The following AGL variants were observed in gnomAD, a reference collection of about 807,000 sequenced individuals.
AGL encodes amylo-alpha-1,6-glucosidase and 4-alpha-glucanotransferase.
A neutral mutation model predicts 199.3 loss-of-function variants in AGL; 128 were observed. That is an observed-to-expected ratio of 0.64 (90% confidence interval 0.56 to 0.74). The LOEUF (loss-of-function observed/expected upper bound fraction) is 0.74, where lower values mean the gene tolerates loss of function less well. AGL is among the 30% of genes least tolerant of loss of function. The pLI, the probability that AGL is intolerant of heterozygous loss-of-function variation, is 0.00. For missense variants in AGL, 1,809 were observed against 1,820.8 expected (o/e 0.99, Z 0.12); for synonymous variants, 584 against 594.7 (o/e 0.98, Z 0.26).
At chr1:99,867,059 TC>T (rs1398259344) in intron 5 of AGL, among the ~76,000 whole-genome samples, 1 of 152,316 alleles carries the variant, frequency 6.6e-6, no homozygotes, top group East Asian at 1.9e-4. Context: ...CCTCAAGTGA[TC>T]CGCCCACCTT....
At chr1:99,857,436 G>A (rs1039930670) in intron 2 of AGL, among the ~76,000 whole-genome samples, 75 of 152,184 alleles carry the variant, frequency 4.9e-4, no homozygotes, top group Admixed American at 2.7e-3. Flanking sequence ...CTGCAGTCTC[G>A]GCACTTTGGG....
At chr1:99,891,471 A>G (rs1652896261) in intron 22 of AGL, 115 bp downstream of exon 22, 7 of 1,508,032 alleles carry the variant, frequency 4.6e-6, no homozygotes, top group Non-Finnish European at 3.7e-6. Flanking sequence ...TCCTTCCTTC[A>G]TCATCTTTCA....
intron 2 of AGL, chr1:99,852,572 C>CACTATGTTGCCCA: frequency 1.6e-6 from 1 of 607,156 alleles, no homozygotes; most frequent in Non-Finnish European, 3.0e-6. Flanking sequence ...AACTGGGTCT[C>CACTATGTTGCCCA]ACTATGTTGC....
chr1:99,883,997 T>TA, intron 17 of AGL, 123 bp from the exon 18 acceptor site: 32 of 816,746 alleles, frequency 3.9e-5, no homozygotes, highest in South Asian at 8.7e-5. Context: ...TTCAGACTTC[T>TA]AAAAAAAAGT....
rs1328445506 is a variant in AGL at position 99,902,724 on chromosome 1, A to AG, written c.3630_3631insG (p.His1211AlafsTer26). 1 of 1,613,536 alleles carries AG rather than the reference A, an allele frequency of 6.2e-7. No homozygotes were observed. The highest frequency in any genetic ancestry group is 8.5e-7 in the Non-Finnish European group (1 of 1,179,646). ...AAGTCATACAGGAAGCAATGCAAAA[A>AG]CACATGCAGGGCATACAGTTCCGAG... On this transcript the variant is annotated frameshift_variant, in exon 27 of 34. Transcript: ENST00000361915. LOFTEE classifies it high-confidence loss of function.
At chr1:99,890,902 G>A (rs1298131032) in intron 21 of AGL, among the ~76,000 whole-genome samples, 3 of 152,132 alleles carry the variant, frequency 2.0e-5, no homozygotes, top group Non-Finnish European at 4.4e-5. Flanking sequence ...AGCCATGCCA[G>A]TTACCCTTGA....
In AGL at chr1:99,892,420, C is replaced by G. The variant is rs1652967588; in HGVS notation, c.3084-12C>G. On this transcript the variant is annotated splice_polypyrimidine_tract_variant and intron_variant, in intron 23 of 33. Coordinates refer to ENST00000361915, the MANE Select transcript of AGL (RefSeq NM_000642.3). ...TTTCTACAAGTAATAAATTCAATCA[C>G]TTTTGTTACAGCTTTGTTCAGAATG... 1.2e-6 allele frequency: 2 copies of G among 1,612,236 alleles called. No individual in the cohort carries two copies. Among genetic ancestry groups the G allele is most frequent in the Non-Finnish European group, 8.5e-7 (1 of 1,178,636 alleles).
At chr1:99,880,489 C>T (rs1651922067) in intron 13 of AGL, 143 bp from the exon 14 acceptor site, 1 of 983,450 alleles carries the variant, frequency 1.0e-6, no homozygotes, top group East Asian at 2.6e-5. Flanking sequence ...AACTAGTAGA[C>T]ATTTGTTTAA....
At chr1:99,912,981 G>A (rs1181857568) in intron 29 of AGL, among the ~76,000 whole-genome samples, 2 of 152,230 alleles carry the variant, frequency 1.3e-5, no homozygotes, top group African/African-American at 4.8e-5. Flanking sequence ...TCCACACTTT[G>A]GGGGGCCAAG....
chr1:99,866,340 G>A (rs993723385), intron 5 of AGL, among the ~76,000 whole-genome samples: 1 of 152,148 alleles, frequency 6.6e-6, no homozygotes, highest in African/African-American at 2.4e-5. Flanking sequence ...GACTAGGATG[G>A]TAGTTCAGTG....
chr1:99,915,338 A>G (rs1434011235), intron 30 of AGL, 51 bp from the exon 31 acceptor site: 3 of 1,424,100 alleles, frequency 2.1e-6, no homozygotes, highest in Non-Finnish European at 2.0e-6. Flanking sequence ...GGTAGGAACT[A>G]ATTCTTCTGT....
rs71075465 is a variant in AGL at position 99,907,693 on chromosome 1, G to GTTTTTTTTTTTTTTTTT, written c.3701-3011_3701-3010insTTTTTTTTTTTTTTTTT. Among the ~76,000 whole-genome samples the GTTTTTTTTTTTTTTTTT allele has an allele frequency of 4.0e-4, 47 of 118,958 alleles. 6 individuals carry two copies. The highest frequency in any genetic ancestry group is 2.7e-3 in the East Asian group (10 of 3,680). 78.0% of individuals were successfully genotyped at this position (118,958 alleles called of 152,430 possible). On this transcript the variant is annotated intron_variant, in intron 27 of 33. Coordinates refer to ENST00000361915, the MANE Select transcript of AGL (RefSeq NM_000642.3). ...TTTTGTTCGTTTGTTTTTGTTTTTT[G>GTTTTTTTTTTTTTTTTT]TTTTTTTTGCTAGTAGCCATCCTAA...
chr1:99,866,257 A>G (rs1399478361), intron 5 of AGL, among the ~76,000 whole-genome samples: 3 of 152,258 alleles, frequency 2.0e-5, no homozygotes, highest in African/African-American at 4.8e-5. Flanking sequence ...ATAAGCAGCT[A>G]TAACAGAAAA....
chr1:99,900,560 CA>C, intron 25 of AGL, 75 bp from the exon 26 acceptor site: 1 of 1,357,354 alleles, frequency 7.4e-7, no homozygotes, highest in African/African-American at 1.4e-5. Context: ...ATATAGTCAC[CA>C]AAAGTGACTG....
Position 99,876,474 on chromosome 1 carries a change from T to C in AGL, c.1300T>C (p.Phe434Leu). The change falls in exon 11 of 34, where the codon TTT becomes CTT. Residue 434 changes from phenylalanine (F) to leucine (L), a missense_variant. Phe to Leu is a conservative substitution (Grantham distance 22). Transcript: ENST00000361915. ...PLVTRYFTFP[F>L]EEIDFSMEES... Reference sequence around the variant, plus strand: ...TTTTCATAGGTATTTTACTTTCCCATTTGAAGAGATAGACTTCTCCATGGA... The same window carrying C: ...TTTTCATAGGTATTTTACTTTCCCACTTGAAGAGATAGACTTCTCCATGGA... 1 of 1,603,734 alleles carries C rather than the reference T, an allele frequency of 6.2e-7. No homozygotes were observed. Among genetic ancestry groups the C allele is most frequent in the Non-Finnish European group, 8.5e-7 (1 of 1,170,704 alleles).
chr1:99,918,375 T>C (rs761474964), intron 33 of AGL, among the ~76,000 whole-genome samples: 1 of 152,212 alleles, frequency 6.6e-6, no homozygotes, highest in Non-Finnish European at 1.5e-5. Context: ...TGGAATATGA[T>C]TACAGTGACT....
chr1:99,880,418 C>T (rs927468898), intron 13 of AGL, among the ~76,000 whole-genome samples: 2 of 152,116 alleles, frequency 1.3e-5, no homozygotes, highest in African/African-American at 4.8e-5. Context: ...ACATATGTTC[C>T]CTTTTCCTTA....
Position 99,891,696 on chromosome 1 carries a change from G to T in AGL, c.3040G>T (p.Ala1014Ser). Residue 1014 changes from alanine to serine, a missense_variant, in exon 23 of 34, where the codon GCA becomes TCA. Physicochemically the swap from Ala to Ser is moderately conservative, Grantham distance 99. Transcript: ENST00000361915. ...TTACTTTGATGCTATATTAATTGGTGCATATACCACTCTTCTGGATACAGC... is the reference window on the plus strand; with the variant it reads ...TTACTTTGATGCTATATTAATTGGTTCATATACCACTCTTCTGGATACAGC... ...PCYFDAILIG[A>S]YTTLLDTAWK... is the part of the protein sequence containing the mutation. 6.2e-7 allele frequency: 1 copy of T among 1,613,534 alleles called. No individual in the cohort carries two copies. The highest frequency in any genetic ancestry group is 2.2e-5 in the East Asian group (1 of 44,816).
chr1:99,913,414 A>G, intron 29 of AGL, 113 bp from the exon 30 acceptor site: 3 of 898,116 alleles, frequency 3.3e-6, no homozygotes, highest in South Asian at 1.6e-5. Flanking sequence ...AAAAGTGGAT[A>G]ATTTATTGCC....
Sources: allele counts gnomAD v4.1 joint callset (sites outside exome capture counted in the v4.1 genomes callset), GRCh38; gene constraint gnomAD v4.1.1; transcripts MANE v1.5; gene names NCBI Gene and HGNC (gene_info 2026-07-23, HGNC 2026-07-21).